C5: variants seen among roughly 807,000 people sequenced by gnomAD.
C5 encodes the protein complement C5.
Under a neutral mutation model 218.8 loss-of-function variants are expected in C5, and 140 were observed. The ratio of observed to expected loss-of-function variants is 0.64; its 90% CI spans 0.56 to 0.74. C5 has a LOEUF of 0.74. Ranked by LOEUF, C5 falls within the 30% of genes least tolerant of loss-of-function variation. The probability of loss-of-function intolerance (pLI) is 0.00; values close to 1 mark genes in which losing one functional copy is unlikely to be tolerated. For missense variants in C5, 1,700 were observed against 1,969.6 expected, an observed-to-expected ratio of 0.86 and a Z score of 2.59; for synonymous variants, 614 against 682.3, an observed-to-expected ratio of 0.90 and a Z score of 1.56.
the C5 span, among the ~76,000 whole-genome samples, chr9:121,072,223 A>G: frequency 6.6e-6 from 1 of 152,074 alleles, no homozygotes; most frequent in East Asian, 1.9e-4. Flanking sequence ...CACCCAAGAG[A>G]AAAGTGTTTT....
At chr9:121,004,097 C>T (rs2047195223) in intron 20 of C5, among the ~76,000 whole-genome samples, 1 of 152,044 alleles carries the variant, frequency 6.6e-6, no homozygotes, top group Non-Finnish European at 1.5e-5. Context: ...TGTCGATCGC[C>T]TGACCTCGTG....
chr9:121,029,098 T>C (rs1206714503), intron 7 of C5, among the ~76,000 whole-genome samples: 2 of 152,222 alleles, frequency 1.3e-5, no homozygotes, highest in Non-Finnish European at 2.9e-5. Context: ...AAACTGCATG[T>C]TTCCCTTTTT....
At chr9:121,026,957 G>A (rs1228644616) in intron 8 of C5, among the ~76,000 whole-genome samples, 1 of 152,054 alleles carries the variant, frequency 6.6e-6, no homozygotes, top group African/African-American at 2.4e-5. Flanking sequence ...AGGGAGGGAG[G>A]AAAGGGCATG....
rs772690228 is a variant in C5, at chr9:120,962,906, A to G, written c.4385T>C (p.Leu1462Pro). The G allele has an allele frequency of 1.9e-6, 3 of 1,613,954 alleles. No individual in the cohort carries two copies. The highest frequency in any genetic ancestry group is 2.5e-6 in the Non-Finnish European group (3 of 1,179,910). ...DYQIKDGHVI[L>P]QLNSIPSSDF... ...GGTGGAGCTTACCGAATTCAGTTGC[A>G]GAATAACATGTCCATCTTTGATTTG... The change falls in exon 35 of 41, where the codon CTG becomes CCG. Residue 1462 changes from leucine to proline, a missense_variant. Physicochemically the swap from Leu to Pro is moderately conservative, Grantham distance 98 (BLOSUM62 -3). Transcript: ENST00000223642.
At chr9:121,023,615 C>A in intron 9 of C5, 96 bp from the exon 10 acceptor site, 1 of 767,786 alleles carries the variant, frequency 1.3e-6, no homozygotes, top group Non-Finnish European at 2.4e-6. Flanking sequence ...CAGACTTATT[C>A]ATTCACTCAC....
the C5 span, chr9:121,074,768 G>A: frequency 5.7e-4 from 259 of 453,984 alleles, 2 homozygotes; most frequent in African/African-American, 4.2e-3. Flanking sequence ...AACGCAATCC[G>A]AAGGCGAAGG....
At chr9:120,984,139 A>G (rs759590507) in intron 25 of C5, among the ~76,000 whole-genome samples, 1 of 152,160 alleles carries the variant, frequency 6.6e-6, no homozygotes, top group Non-Finnish European at 1.5e-5. Context: ...TATTTAAGCC[A>G]TTTCCCTTTC....
chr9:120,967,173 T>C (rs2046874819), intron 33 of C5, among the ~76,000 whole-genome samples: 1 of 148,786 alleles, frequency 6.7e-6, no homozygotes, highest in Non-Finnish European at 1.5e-5. Context: ...GGAAGGAGAA[T>C]CACCTGAACC....
chr9:120,961,425 G>A, intron 37 of C5, 57 bp downstream of exon 37: 2 of 1,103,530 alleles, frequency 1.8e-6, no homozygotes, highest in Admixed American at 1.7e-5. Flanking sequence ...TTAACCTCAG[G>A]TTATGAACGA....
At chr9:121,068,905 C>T in the C5 span, among the ~76,000 whole-genome samples, 1 of 152,044 alleles carries the variant, frequency 6.6e-6, no homozygotes, top group East Asian at 1.9e-4. Context: ...AATAAATGGT[C>T]CTGGGAAAAC....
intron 7 of C5, among the ~76,000 whole-genome samples, chr9:121,027,534 A>C (rs902685357): frequency 6.6e-6 from 1 of 152,216 alleles, no homozygotes; most frequent in Non-Finnish European, 1.5e-5. Context: ...CTCAGAAATA[A>C]CACCACACAT....
chr9:121,000,933 T>G (rs553137255), intron 20 of C5, among the ~76,000 whole-genome samples: 1 of 152,184 alleles, frequency 6.6e-6, no homozygotes, highest in African/African-American at 2.4e-5. Context: ...CATGCAGTAT[T>G]TTGTAGAAAA....
intron 36 of C5, among the ~76,000 whole-genome samples, chr9:120,961,848 T>C (rs1250808075): frequency 6.6e-6 from 1 of 152,172 alleles, no homozygotes. Flanking sequence ...ATAAATTATG[T>C]TGCATGAGGA....
chr9:121,048,863 T>C (rs908108386), intron 1 of C5, among the ~76,000 whole-genome samples: 10 of 152,222 alleles, frequency 6.6e-5, no homozygotes, highest in Non-Finnish European at 1.3e-4. Context: ...TCAGGCTCTG[T>C]TTGAGTGCAG....
At chr9:120,993,354 T>G (rs2047091327) in intron 22 of C5, among the ~76,000 whole-genome samples, 1 of 152,156 alleles carries the variant, frequency 6.6e-6, no homozygotes, top group Admixed American at 6.6e-5. Context: ...ATGGATAAAA[T>G]GGTGAGGGAA....
intron 15 of C5, 98 bp from the exon 16 acceptor site, chr9:121,015,359 C>A: frequency 1.3e-6 from 1 of 746,218 alleles, no homozygotes; most frequent in South Asian, 1.6e-5. Flanking sequence ...AGAGCCTTCA[C>A]AAGTCATTCC....
At chr9:121,066,547 T>C in the C5 span, among the ~76,000 whole-genome samples, 1 of 151,954 alleles carries the variant, frequency 6.6e-6, no homozygotes, top group East Asian at 1.9e-4. Flanking sequence ...TTCATGCACT[T>C]ACGAACATAG....
At chr9:120,979,943 A>G (rs1332731515) in intron 28 of C5, 140 bp downstream of exon 28, 1 of 723,250 alleles carries the variant, frequency 1.4e-6, no homozygotes, top group East Asian at 2.6e-5. Context: ...GGCACACATT[A>G]CATCGTATTG....
rs202069815 is a variant in C5 at position 120,961,572 on chromosome 9, C to T, written c.4505-7G>A. Reference sequence around the variant, plus strand: ...AACATGGTACACTGTTTATCTGTGGCAACAAAAGTGTGGTTAAGAGAAGTG... The same window carrying T: ...AACATGGTACACTGTTTATCTGTGGTAACAAAAGTGTGGTTAAGAGAAGTG... On this transcript the variant is annotated splice_polypyrimidine_tract_variant and splice_region_variant and intron_variant, in intron 36 of 40. Coordinates refer to ENST00000223642, the MANE Select transcript of C5 (RefSeq NM_001735.3). 300 of 1,584,752 alleles carry T rather than the reference C, an allele frequency of 1.9e-4. No homozygotes were observed. Among genetic ancestry groups the T allele is most frequent in the Middle Eastern group, 8.3e-4 (5 of 6,008 alleles).
Sources: allele counts gnomAD v4.1 joint callset (sites outside exome capture counted in the v4.1 genomes callset), GRCh38; gene constraint gnomAD v4.1.1; transcripts MANE v1.5; gene names NCBI Gene and HGNC (gene_info 2026-07-23, HGNC 2026-07-21).